PRLR: variants seen among roughly 807,000 people sequenced by gnomAD.
PRLR encodes the protein hPRL receptor.
Under a neutral mutation model 40.2 loss-of-function variants are expected in PRLR, and 13 were observed. The ratio of observed to expected loss-of-function variants is 0.32; its 90% CI spans 0.21 to 0.51. PRLR has a LOEUF of 0.51. Ranked by LOEUF, PRLR falls within the 20% of genes least tolerant of loss-of-function variation. The pLI, the probability that PRLR is intolerant of heterozygous loss-of-function variation, is 0.97. For synonymous variants in PRLR, 269 were observed against 278.7 expected, an observed-to-expected ratio of 0.97 and a Z score of 0.35; for missense variants, 656 against 747.3, an observed-to-expected ratio of 0.88 and a Z score of 1.42.
At chr5:35,070,547 A>C (rs1769681336) in intron 6 of PRLR, among the ~76,000 whole-genome samples, 1 of 152,150 alleles carries the variant, frequency 6.6e-6, no homozygotes, top group Admixed American at 6.5e-5. Flanking sequence ...TAAATGTAGA[A>C]AGAATAACAA....
At chr5:35,070,415 T>C (rs1769675041) in intron 6 of PRLR, 150 bp from the exon 7 acceptor site, 1 of 894,412 alleles carries the variant, frequency 1.1e-6, no homozygotes, top group Non-Finnish European at 1.7e-6. Context: ...CCCTATCTTT[T>C]CCTTCTCTTA....
chr5:35,197,259 G>A (rs1045967428), intron 1 of PRLR, among the ~76,000 whole-genome samples: 8 of 152,222 alleles, frequency 5.3e-5, no homozygotes, highest in Non-Finnish European at 8.8e-5. Flanking sequence ...AGATCCACCC[G>A]TGTGTTTGGC....
At chr5:35,190,615 G>GA (rs59704593) in intron 1 of PRLR, among the ~76,000 whole-genome samples, 29 of 148,324 alleles carry the variant, frequency 2.0e-4, no homozygotes, top group South Asian at 6.4e-4. Context: ...TTTGCCTCAG[G>GA]AAAAAAAAAA....
At chr5:35,122,924 C>T (rs528905243) in intron 1 of PRLR, among the ~76,000 whole-genome samples, 3 of 152,056 alleles carry the variant, frequency 2.0e-5, no homozygotes, top group Non-Finnish European at 4.4e-5. Flanking sequence ...ACAGAGGGAG[C>T]AAGATAAATA....
chr5:35,061,125 T>C lies in PRLR; in HGVS notation c.*3964A>G, dbSNP rs965576451. The stretch of plus-strand genomic sequence containing the variant: ...TCATACATATCTATATCTATATCTA[T>C]ATATATATATAATCCCTATAAGGCA... On this transcript the variant is annotated 3_prime_UTR_variant, in exon 10 of 10. Transcript: ENST00000618457. 1 of 151,432 alleles carries C rather than the reference T, an allele frequency of 6.6e-6. No homozygotes were observed. The highest frequency in any genetic ancestry group is 2.4e-5 in the African/African-American group (1 of 41,278). The allele number at this position is 151,432 out of a possible 1,614,324, so 9.4% of individuals were successfully genotyped here.
chr5:35,113,133 T>C (rs1312122262), intron 2 of PRLR, among the ~76,000 whole-genome samples: 2 of 144,314 alleles, frequency 1.4e-5, no homozygotes, highest in Non-Finnish European at 3.0e-5. Context: ...CACCCATTTA[T>C]CCACCCACCC....
intron 1 of PRLR, among the ~76,000 whole-genome samples, chr5:35,176,275 A>G (rs904319988): frequency 5.3e-5 from 8 of 152,164 alleles, no homozygotes; most frequent in African/African-American, 1.9e-4. Context: ...AATCTGCTTC[A>G]AAAAAACCAT....
At position 35,097,333 on chromosome 5, in the gene PRLR, G is replaced by A. The variant is rs145829325; in HGVS notation, c.-43-7670C>T. Among the ~76,000 whole-genome samples, 23 of 152,264 alleles carry A rather than the reference G, an allele frequency of 1.5e-4. No homozygotes were observed. In the East Asian group the frequency reaches 2.3e-3, roughly 15 times the overall value. ...ATGCCAGGCACTGTTTTGTTAACTCGCTTCACCCTCACAAGAAGCCTGAGG... is the reference window on the plus strand; with the variant it reads ...ATGCCAGGCACTGTTTTGTTAACTCACTTCACCCTCACAAGAAGCCTGAGG... On this transcript the variant is annotated intron_variant, in intron 2 of 9. Coordinates refer to ENST00000618457, the MANE Select transcript of PRLR (RefSeq NM_000949.7).
At chr5:35,125,093 A>G (rs1773413828) in intron 1 of PRLR, among the ~76,000 whole-genome samples, 1 of 152,234 alleles carries the variant, frequency 6.6e-6, no homozygotes. Context: ...TTTAAAAAGA[A>G]GCAAAGTCCA....
At position 35,089,572 on chromosome 5, in the gene PRLR, G is replaced by A; in HGVS notation, c.49C>T (p.Leu17Phe). The change falls in exon 3 of 10, where the codon CTC (leucine) becomes TTC (phenylalanine). Residue 17 changes from leucine to phenylalanine, a missense_variant. Leu to Phe is a conservative substitution (Grantham distance 22). Coordinates refer to ENST00000618457, the MANE Select transcript of PRLR (RefSeq NM_000949.7). ...TTACCATTCAGAAGGCAGGTGTTGA[G>A]AAAAAGTAGCAGAGTGAAAACGGTT... The part of the protein sequence containing the change: ...SATVFTLLLF[L>F]NTCLLNGQLP... The A allele has an allele frequency of 6.2e-7, 1 of 1,613,504 alleles. No homozygotes were observed. Among genetic ancestry groups the A allele is most frequent in the Non-Finnish European group, 8.5e-7 (1 of 1,179,414 alleles).
intron 1 of PRLR, among the ~76,000 whole-genome samples, chr5:35,188,993 T>G (rs187408469): frequency 6.6e-6 from 1 of 152,290 alleles, no homozygotes; most frequent in Admixed American, 6.5e-5. Context: ...AGTAGGGTTA[T>G]TGCAGATATA....
chr5:35,105,721 C>G (rs1233870993), intron 2 of PRLR, among the ~76,000 whole-genome samples: 1 of 152,090 alleles, frequency 6.6e-6, no homozygotes, highest in East Asian at 1.9e-4. Flanking sequence ...AAATACGGGA[C>G]TATGTGAAAA....
In PRLR at chr5:35,100,674, T is replaced by C. The variant is rs576802333; in HGVS notation, c.-43-11011A>G. 1.6e-3 allele frequency among the ~76,000 whole-genome samples: 238 copies of C among 152,300 alleles called. 6 individuals are homozygous for C. The South Asian group carries it at 0.048, about 30-fold the overall frequency. ...TTATGATGTTCAAGCAACAACAAGA[T>C]AACCTAAGGATGCATTTCTCAAAAA... On this transcript the variant is annotated intron_variant, in intron 2 of 9. Transcript: ENST00000618457.
intron 1 of PRLR, among the ~76,000 whole-genome samples, chr5:35,178,051 A>T (rs1775194967): frequency 6.6e-6 from 1 of 151,132 alleles, no homozygotes; most frequent in Non-Finnish European, 1.5e-5. Context: ...TCTGATTTGC[A>T]TTTCCCTAAT....
At chr5:35,186,096 T>C (rs963473685) in intron 1 of PRLR, among the ~76,000 whole-genome samples, 3 of 152,050 alleles carry the variant, frequency 2.0e-5, no homozygotes, top group Non-Finnish European at 4.4e-5. Context: ...TTGCACCACA[T>C]TGAGGTGCAC....
chr5:35,083,452 G>C (rs1474245381), intron 5 of PRLR, among the ~76,000 whole-genome samples: 7 of 104,374 alleles, frequency 6.7e-5, no homozygotes, highest in African/African-American at 2.7e-4. Flanking sequence ...CTCTCTCTGT[G>C]TGTGTGTGTG....
chr5:35,070,261 T>C lies in PRLR; in HGVS notation c.548A>G (p.His183Arg). The C allele has an allele frequency of 6.2e-7, 1 of 1,613,770 alleles. No homozygotes were observed. ...AAACTCTGTTTGCTGCCCAGCAAAA[T>C]GGATCTAAGGTAGAATAAGGAAAAC... ...KPEKAAEWEI[H>R]FAGQQTEFKI... Residue 183 changes from histidine to arginine, a missense_variant, in exon 7 of 10, where the codon CAT (histidine) becomes CGT (arginine). Coordinates refer to ENST00000618457, the MANE Select transcript of PRLR (RefSeq NM_000949.7).
At chr5:35,187,191 A>G (rs1473043016) in intron 1 of PRLR, among the ~76,000 whole-genome samples, 1 of 152,188 alleles carries the variant, frequency 6.6e-6, no homozygotes, top group Non-Finnish European at 1.5e-5. Context: ...ACTTGAGGTC[A>G]GGAGTTTGAG....
chr5:35,050,997 C>T (rs868447074), downstream of PRLR, among the ~76,000 whole-genome samples: 7 of 152,132 alleles, frequency 4.6e-5, no homozygotes, highest in African/African-American at 1.4e-4. Flanking sequence ...CTTAAAGATG[C>T]GGCTCAGATA....
Sources: gnomAD v4.1 joint callset for allele counts (sites outside exome capture counted in the v4.1 genomes callset) on GRCh38, gnomAD v4.1.1 for gene constraint, MANE v1.5 for transcripts, NCBI Gene and HGNC (gene_info 2026-07-23, HGNC 2026-07-21) for gene names.